PAQR8: variants seen among roughly 807,000 people sequenced by gnomAD.
PAQR8 encodes the protein membrane progestin receptor beta.
Under a neutral mutation model 25.2 loss-of-function variants are expected in PAQR8, and 17 were observed. The ratio of observed to expected loss-of-function variants is 0.67; its 90% CI spans 0.46 to 1.01. The LOEUF (loss-of-function observed/expected upper bound fraction) is 1.01, where lower values mean the gene tolerates loss of function less well. Among genes scored for constraint, PAQR8 ranks in the 50% least tolerant of loss-of-function variants. The pLI, the probability that PAQR8 is intolerant of heterozygous loss-of-function variation, is 0.00. For synonymous variants in PAQR8, 204 were observed against 190.6 expected (o/e 1.07, Z -0.58); for missense variants, 392 against 448.4 (o/e 0.87, Z 1.14).
chr6:52,371,009 T>C (rs1763413662), intron 1 of PAQR8, among the ~76,000 whole-genome samples: 1 of 152,176 alleles, frequency 6.6e-6, no homozygotes, highest in Admixed American at 6.5e-5. Flanking sequence ...GGCAGATTTC[T>C]AGGTACAGGA....
At chr6:52,402,902 C>T (rs1763852111) in intron 1 of PAQR8, among the ~76,000 whole-genome samples, 1 of 152,096 alleles carries the variant, frequency 6.6e-6, no homozygotes, top group South Asian at 2.1e-4. Flanking sequence ...ATAGCGACAC[C>T]CCTGTCTCTA....
At chr6:52,396,635 T>C (rs1763770490) in intron 1 of PAQR8, among the ~76,000 whole-genome samples, 1 of 152,170 alleles carries the variant, frequency 6.6e-6, no homozygotes, top group Non-Finnish European at 1.5e-5. Context: ...TTATTGATGA[T>C]GAAAGGTCAG....
chr6:52,384,389 G>T (rs1021871745), intron 1 of PAQR8, among the ~76,000 whole-genome samples: 2 of 152,300 alleles, frequency 1.3e-5, no homozygotes, highest in Middle Eastern at 3.4e-3. Flanking sequence ...CCTAGCAAAG[G>T]TGTGGCGGGT....
chr6:52,379,772 G>A (rs1157209575), intron 1 of PAQR8, among the ~76,000 whole-genome samples: 3 of 152,054 alleles, frequency 2.0e-5, no homozygotes, highest in Non-Finnish European at 2.9e-5. Flanking sequence ...GACTATAGGC[G>A]CCTGCTACCG....
At chr6:52,363,935 ATTAG>A (rs1390116813) in intron 1 of PAQR8, among the ~76,000 whole-genome samples, 1 of 152,178 alleles carries the variant, frequency 6.6e-6, no homozygotes, top group Non-Finnish European at 1.5e-5. Flanking sequence ...TCCTTCAATT[ATTAG>A]TTAAATGTTG....
In PAQR8 at chr6:52,405,258, C is replaced by T. The variant is rs145140258; in HGVS notation, c.*980C>T. The T allele has an allele frequency of 2.3e-3, 392 of 167,158 alleles. No individual in the cohort carries two copies. Among genetic ancestry groups the T allele is most frequent in the Middle Eastern group, 6.8e-3 (2 of 296 alleles). 10.4% of individuals were successfully genotyped at this position (167,158 alleles called of 1,614,324 possible). A position where few individuals can be genotyped will look rare whatever the true frequency, so the allele number is the denominator to read the frequency against. ...GTTCTAAGGATCCCTCTAGGGACCTCATTATTTCAAGAGGAACCCAAAGTC... is the reference window on the plus strand; with the variant it reads ...GTTCTAAGGATCCCTCTAGGGACCTTATTATTTCAAGAGGAACCCAAAGTC... On this transcript the variant is annotated 3_prime_UTR_variant, in exon 2 of 2. Coordinates refer to ENST00000442253, the MANE Select transcript of PAQR8 (RefSeq NM_133367.5).
intron 1 of PAQR8, among the ~76,000 whole-genome samples, chr6:52,365,334 GGTT>G (rs944306432): frequency 2.7e-5 from 4 of 150,852 alleles, no homozygotes; most frequent in African/African-American, 9.7e-5. Context: ...TTTTTTTTCA[GGTT>G]GTGTTGCATA....
At chr6:52,367,357 C>A (rs1763366106) in intron 1 of PAQR8, among the ~76,000 whole-genome samples, 1 of 152,122 alleles carries the variant, frequency 6.6e-6, no homozygotes, top group Admixed American at 6.5e-5. Context: ...ACTGTGCCAC[C>A]CTGGGTGTGT....
intron 1 of PAQR8, among the ~76,000 whole-genome samples, chr6:52,390,028 TTCA>T (rs1763681775): frequency 6.6e-6 from 1 of 152,128 alleles, no homozygotes; most frequent in Non-Finnish European, 1.5e-5. Flanking sequence ...TAGTGGGAGT[TTCA>T]GACAGCAAAG....
chr6:52,365,981 G>A (rs1446451890), intron 1 of PAQR8, among the ~76,000 whole-genome samples: 1 of 151,892 alleles, frequency 6.6e-6, no homozygotes, highest in Non-Finnish European at 1.5e-5. Flanking sequence ...TTATTCTAAC[G>A]AAACAGCTAC....
intron 1 of PAQR8, among the ~76,000 whole-genome samples, chr6:52,400,749 C>T (rs944719541): frequency 3.3e-5 from 5 of 152,194 alleles, no homozygotes; most frequent in Non-Finnish European, 7.3e-5. Flanking sequence ...CTCTGTGAAC[C>T]AGTGTTTGTC....
chr6:52,377,578 A>C (rs1763499715), intron 1 of PAQR8, among the ~76,000 whole-genome samples: 1 of 152,156 alleles, frequency 6.6e-6, no homozygotes, highest in South Asian at 2.1e-4. Flanking sequence ...AAAATATCAA[A>C]ACACAGGAAA....
At position 52,403,181 on chromosome 6, in the gene PAQR8, G is replaced by C. The variant is rs2113952997; in HGVS notation, c.-33G>C. The C allele has an allele frequency of 6.4e-7, 1 of 1,564,996 alleles. No homozygotes were observed. Among genetic ancestry groups the C allele is most frequent in the Non-Finnish European group, 8.7e-7 (1 of 1,151,520 alleles). On this transcript the variant is annotated 5_prime_UTR_variant, in exon 2 of 2. Coordinates refer to ENST00000442253, the MANE Select transcript of PAQR8 (RefSeq NM_133367.5). Reference sequence around the variant, plus strand: ...CTGCAGGTTGCATACCCTGTCCTGAGGGCGCGGCACGGAGTGCATGCGGGC... The same window carrying C: ...CTGCAGGTTGCATACCCTGTCCTGACGGCGCGGCACGGAGTGCATGCGGGC...
At chr6:52,383,704 C>A (rs1048743714) in intron 1 of PAQR8, among the ~76,000 whole-genome samples, 1 of 151,376 alleles carries the variant, frequency 6.6e-6, no homozygotes, top group Non-Finnish European at 1.5e-5. Context: ...AGTACTTATC[C>A]TTAATATACT....
chr6:52,393,327 C>CTT (rs1763730687), intron 1 of PAQR8, among the ~76,000 whole-genome samples: 1 of 126,272 alleles, frequency 7.9e-6, no homozygotes, highest in African/African-American at 3.0e-5. Context: ...CTGACACTTT[C>CTT]TCTCTCTTTT....
At chr6:52,380,968 C>T (rs567008060) in intron 1 of PAQR8, among the ~76,000 whole-genome samples, 1 of 152,350 alleles carries the variant, frequency 6.6e-6, no homozygotes, top group South Asian at 2.1e-4. Flanking sequence ...TTCTTAACCT[C>T]ATTTTTCTAG....
intron 1 of PAQR8, among the ~76,000 whole-genome samples, chr6:52,385,488 C>T (rs913779084): frequency 5.9e-5 from 9 of 152,152 alleles, no homozygotes; most frequent in African/African-American, 1.9e-4. Context: ...TCGACATAGG[C>T]CTTGGGGAAG....
intron 1 of PAQR8, among the ~76,000 whole-genome samples, chr6:52,396,288 T>C (rs1763766528): frequency 1.3e-5 from 2 of 152,056 alleles, no homozygotes; most frequent in African/African-American, 4.8e-5. Context: ...AGTTAGAGTG[T>C]TGAAAATGAC....
At chr6:52,370,228 A>G (rs1212251551) in intron 1 of PAQR8, among the ~76,000 whole-genome samples, 2 of 152,164 alleles carry the variant, frequency 1.3e-5, no homozygotes, top group South Asian at 4.1e-4. Flanking sequence ...AGATTTTTGT[A>G]GGTCTCAAGA....
Sources: allele counts gnomAD v4.1 joint callset (sites outside exome capture counted in the v4.1 genomes callset), GRCh38; gene constraint gnomAD v4.1.1; transcripts MANE v1.5; gene names NCBI Gene and HGNC (gene_info 2026-07-23, HGNC 2026-07-21).